The following ZFX variants were observed in gnomAD, a reference collection of about 807,000 sequenced individuals.
ZFX encodes the protein zinc finger X-chromosomal protein.
For missense variants in ZFX, 362 were observed against 628.3 expected (o/e 0.58, Z 4.53); for synonymous variants, 196 against 226.8 (o/e 0.86, Z 1.22).
chrX:24,179,547 G>T lies in ZFX; in HGVS notation c.423G>T (p.Val141=). 1 of 1,211,700 alleles carries T rather than the reference G, an allele frequency of 8.3e-7. No individual in the cohort carries two copies. Residue 141 remains valine (V), a synonymous_variant, in exon 5 of 10, where the codon GTG becomes GTT. Transcript: ENST00000304543. Reference sequence around the variant, plus strand: ...TCTTGACGGGTGATTCTATACATGTGTCTGACGTTGGACATGTTGGACATG... The same window carrying T: ...TCTTGACGGGTGATTCTATACATGTTTCTGACGTTGGACATGTTGGACATG... ...EHVLTGDSIH[V]SDVGHVGHVG...
intron 3 of ZFX, among the ~76,000 whole-genome samples, chrX:24,172,047 A>T (rs985849969): frequency 2.7e-5 from 3 of 111,577 alleles, no homozygotes. Context: ...TTACCGTTTT[A>T]TAGCTAGTGC....
intron 5 of ZFX, among the ~76,000 whole-genome samples, chrX:24,180,225 C>T (rs1279961047): frequency 9.2e-6 from 1 of 108,259 alleles, no homozygotes; most frequent in Non-Finnish European, 1.9e-5. Context: ...GAGCAAGACT[C>T]CTTCTCAAAA....
chrX:24,180,116 CA>C (rs1421545648), intron 5 of ZFX, among the ~76,000 whole-genome samples: 1 of 109,278 alleles, frequency 9.2e-6, no homozygotes, highest in Non-Finnish European at 1.9e-5. Context: ...CCTGTAATCC[CA>C]GCTACTTGGG....
At chrX:24,178,757 T>C (rs1296278211) in intron 4 of ZFX, among the ~76,000 whole-genome samples, 1 of 111,239 alleles carries the variant, frequency 9.0e-6, no homozygotes, top group East Asian at 2.8e-4. Context: ...TTTTTGTGTT[T>C]TTAGTAGAGA....
In ZFX at chrX:24,211,287, C is replaced by A; in HGVS notation, c.2329C>A (p.Arg777=). 8.3e-7 allele frequency: 1 copy of A among 1,211,842 alleles called. No individual in the cohort carries two copies. Among genetic ancestry groups the A allele is most frequent in the Non-Finnish European group, 1.1e-6 (1 of 895,554 alleles). ...ISIHTKDYPH[R]CEYCKKGFRR... Reference sequence around the variant, plus strand: ...CATTCACACGAAAGACTATCCTCACCGGTGTGAGTACTGCAAGAAAGGCTT... The same window carrying A: ...CATTCACACGAAAGACTATCCTCACAGGTGTGAGTACTGCAAGAAAGGCTT... Residue 777 remains arginine, a synonymous_variant, in exon 10 of 10, where the codon CGG becomes AGG. Transcript: ENST00000304543.
intron 3 of ZFX, among the ~76,000 whole-genome samples, chrX:24,168,831 C>T (rs1279144406): frequency 1.8e-5 from 2 of 109,926 alleles, no homozygotes; most frequent in East Asian, 2.8e-4. Context: ...ACCTTGAGGG[C>T]GTTTGATAGT....
Position 24,210,424 on chromosome X carries a change from A to G in ZFX, c.1466A>G (p.Glu489Gly). 8.3e-7 allele frequency: 1 copy of G among 1,212,089 alleles called. No individual in the cohort carries two copies. Among genetic ancestry groups the G allele is most frequent in the South Asian group, 1.8e-5 (1 of 57,011 alleles). Residue 489 changes from glutamate to glycine, a missense_variant, in exon 10 of 10, where the codon GAA (glutamate) becomes GGA (glycine). Physicochemically the swap from Glu to Gly is moderately conservative, Grantham distance 98. Transcript: ENST00000304543. ...KLTSKAEKAI[E>G]CDECGKHFSH... ...ACCAGCAAGGCAGAGAAGGCCATTG[A>G]ATGCGATGAGTGTGGGAAGCATTTC...
intron 3 of ZFX, among the ~76,000 whole-genome samples, chrX:24,169,742 A>G (rs1934385584): frequency 9.0e-6 from 1 of 110,864 alleles, no homozygotes. Flanking sequence ...AGTCTGTTGG[A>G]CATGTTAGGA....
intron 3 of ZFX, among the ~76,000 whole-genome samples, chrX:24,165,696 T>G (rs918711509): frequency 8.9e-6 from 1 of 112,622 alleles, no homozygotes; most frequent in Non-Finnish European, 1.9e-5. Flanking sequence ...CAATGTAGTC[T>G]AAATCTCCAC....
chrX:24,169,051 A>G lies in ZFX; in HGVS notation c.-28-3664A>G, dbSNP rs758767896. ...TCTGAGTAGGTTCTGTTCTGAGAAC[A>G]GTTTCATTCTGATTGTCAAAGGGAG... On this transcript the variant is annotated intron_variant, in intron 3 of 9. Transcript: ENST00000304543. 1.2e-4 allele frequency among the ~76,000 whole-genome samples: 13 copies of G among 111,398 alleles called. No homozygotes were observed. The South Asian group carries it at 4.9e-3, about 42-fold the overall frequency.
intron 8 of ZFX, 88 bp from the exon 9 acceptor site, chrX:24,208,812 A>G (rs1285428620): frequency 1.0e-6 from 1 of 960,561 alleles, no homozygotes; most frequent in East Asian, 3.4e-5. Flanking sequence ...ATCATGGCTT[A>G]CTTTTCGTTG....
At chrX:24,173,393 A>ACT (rs1398142391) in intron 4 of ZFX, among the ~76,000 whole-genome samples, 2 of 110,582 alleles carry the variant, frequency 1.8e-5, no homozygotes, top group Admixed American at 1.9e-4. Context: ...TATTTTTATA[A>ACT]CTCTCTCTCT....
chrX:24,181,174 C>A lies in ZFX; in HGVS notation c.646+1404C>A, dbSNP rs62587209. Among the ~76,000 whole-genome samples, 857 of 112,449 alleles carry A rather than the reference C, an allele frequency of 7.6e-3. 4 individuals are homozygous for A. The highest frequency in any genetic ancestry group is 0.014 in the Middle Eastern group (3 of 217). On this transcript the variant is annotated intron_variant, in intron 5 of 9. Transcript: ENST00000304543. ...AAACTTCTTTGAGATTTTGAAACTCCTTTGAAAACTTCTTGAGATTTTGAA... is the reference window on the plus strand; with the variant it reads ...AAACTTCTTTGAGATTTTGAAACTCATTTGAAAACTTCTTGAGATTTTGAA...
At chrX:24,179,867 A>AC (rs1212081155) in intron 5 of ZFX, 97 bp downstream of exon 5, 1 of 790,074 alleles carries the variant, frequency 1.3e-6, no homozygotes, top group East Asian at 3.2e-5. Context: ...AAATGTCTGT[A>AC]AAAGTAAATC....
chrX:24,163,365 T>G (rs12394320), intron 3 of ZFX, among the ~76,000 whole-genome samples: 1 of 2,368 alleles, frequency 4.2e-4, no homozygotes, highest in African/African-American at 1.5e-3. Context: ...TTTTGTTAGG[T>G]TTTTTTTTTT....
intron 5 of ZFX, among the ~76,000 whole-genome samples, chrX:24,203,154 C>A (rs190157292): frequency 2.6e-4 from 29 of 112,002 alleles, no homozygotes; most frequent in Admixed American, 1.7e-3. Flanking sequence ...TTATCCTTGG[C>A]TTCTTCGTCA....
intron 4 of ZFX, among the ~76,000 whole-genome samples, chrX:24,176,850 C>T (rs1935193674): frequency 8.9e-6 from 1 of 112,180 alleles, no homozygotes; most frequent in African/African-American, 3.2e-5. Flanking sequence ...ACCAGAGGCA[C>T]TAATCTACTG....
In ZFX at chrX:24,208,748, A is replaced by C. The variant is rs1601982091; in HGVS notation, c.1094-152A>C. 4.8e-6 allele frequency: 3 copies of C among 626,592 alleles called. No homozygotes were observed. In the East Asian group the frequency reaches 1.1e-4, roughly 23 times the overall value. 51.6% of individuals were successfully genotyped at this position (626,592 alleles called of 1,213,427 possible). On this transcript the variant is annotated intron_variant, in intron 8 of 9. Transcript: ENST00000304543. ...CGTTTCCTACGGTCTCGCGATAATA[A>C]ATGTGCTCATAAAACCCATGACCTA...
At chrX:24,157,927 T>C (rs1932887160) in intron 3 of ZFX, among the ~76,000 whole-genome samples, 1 of 111,033 alleles carries the variant, frequency 9.0e-6, no homozygotes, top group Non-Finnish European at 1.9e-5. Context: ...CCCAGCTAAT[T>C]TTTTGTATTT....
Sources: allele counts gnomAD v4.1 joint callset (sites outside exome capture counted in the v4.1 genomes callset), GRCh38; gene constraint gnomAD v4.1.1; transcripts MANE v1.5; gene names NCBI Gene and HGNC (gene_info 2026-07-23, HGNC 2026-07-21).